Variants in PRKG2 observed in about 807,000 individuals in gnomAD.
The protein encoded by PRKG2 is cGMP-dependent protein kinase 2.
PRKG2 carries 33 observed loss-of-function variants against 97.2 expected under a neutral mutation model. The ratio of observed to expected loss-of-function variants is 0.34; its 90% CI spans 0.26 to 0.45. PRKG2 has a LOEUF of 0.45. PRKG2 is among the 20% of genes least tolerant of loss of function. The pLI, the probability that PRKG2 is intolerant of heterozygous loss-of-function variation, is 1.00. For synonymous variants in PRKG2, 330 were observed against 321.8 expected, an observed-to-expected ratio of 1.03 and a Z score of -0.27; for missense variants, 638 against 900.0, an observed-to-expected ratio of 0.71 and a Z score of 3.73.
rs192498416 is a variant in PRKG2, at chr4:81,091,181, C to T, written c.2193+1205G>A. 1.5e-3 allele frequency among the ~76,000 whole-genome samples: 234 copies of T among 152,182 alleles called. 3 individuals are homozygous for T. The highest frequency in any genetic ancestry group is 3.7e-3 in the Admixed American group (57 of 15,290). Reference sequence around the variant, plus strand: ...GAAAAGGAGTGATACAATATTTCTGCCCAAACTTTATAAGTGGCAGATAGG... The same window carrying T: ...GAAAAGGAGTGATACAATATTTCTGTCCAAACTTTATAAGTGGCAGATAGG... On this transcript the variant is annotated intron_variant, in intron 18 of 18. Coordinates refer to ENST00000264399, the MANE Select transcript of PRKG2 (RefSeq NM_006259.3).
intron 14 of PRKG2, among the ~76,000 whole-genome samples, 193 bp downstream of exon 14, chr4:81,134,962 A>C (rs1359602860): frequency 1.3e-5 from 2 of 152,178 alleles, no homozygotes; most frequent in Non-Finnish European, 2.9e-5. Context: ...AATATGGTTA[A>C]ACATTAAATC....
chr4:81,115,601 T>C (rs770645691), intron 14 of PRKG2, among the ~76,000 whole-genome samples: 3 of 152,208 alleles, frequency 2.0e-5, no homozygotes, highest in East Asian at 1.9e-4. Context: ...CAACTTCCAA[T>C]TGGCTATGTT....
intron 11 of PRKG2, 102 bp from the exon 12 acceptor site, chr4:81,140,771 G>T: frequency 1.0e-6 from 1 of 1,000,336 alleles, no homozygotes. Context: ...TAGTATGGAA[G>T]CCCTTAGCCA....
At chr4:81,153,531 C>A in intron 7 of PRKG2, 113 bp downstream of exon 7, 1 of 783,572 alleles carries the variant, frequency 1.3e-6, no homozygotes, top group Non-Finnish European at 2.0e-6. Flanking sequence ...GGTAGAAGCT[C>A]CTTTATCTGT....
At chr4:81,143,365 G>C (rs1296687241) in intron 10 of PRKG2, among the ~76,000 whole-genome samples, 1 of 152,166 alleles carries the variant, frequency 6.6e-6, no homozygotes, top group Admixed American at 6.5e-5. Context: ...CACTTCCTTT[G>C]CTGCATGTAC....
At chr4:81,115,176 C>G (rs1340037327) in intron 14 of PRKG2, among the ~76,000 whole-genome samples, 1 of 152,128 alleles carries the variant, frequency 6.6e-6, no homozygotes, top group Non-Finnish European at 1.5e-5. Flanking sequence ...TCCAACTTTA[C>G]TAGATATTGC....
chr4:81,111,700 G>C (rs1259187533), intron 14 of PRKG2, among the ~76,000 whole-genome samples: 1 of 152,032 alleles, frequency 6.6e-6, no homozygotes, highest in East Asian at 1.9e-4. Context: ...TCCGTGCACA[G>C]AATAGACAGA....
chr4:81,091,019 C>T (rs1277443955), intron 18 of PRKG2, among the ~76,000 whole-genome samples: 1 of 152,062 alleles, frequency 6.6e-6, no homozygotes, highest in Non-Finnish European at 1.5e-5. Flanking sequence ...AGAAGAAATA[C>T]TGGTGTTATC....
At chr4:81,149,953 C>A (rs1282458445) in intron 8 of PRKG2, among the ~76,000 whole-genome samples, 1 of 152,136 alleles carries the variant, frequency 6.6e-6, no homozygotes, top group Non-Finnish European at 1.5e-5. Flanking sequence ...CATTCTGAGA[C>A]CTTCTGACAT....
At position 81,121,891 on chromosome 4, in the gene PRKG2, T is replaced by C. The variant is rs116831751; in HGVS notation, c.1777-11280A>G. Reference sequence around the variant, plus strand: ...AGGGCTATCAGTATAGACAGGCAGATAGATGACAGGCAATAATATCAACGT... The same window carrying C: ...AGGGCTATCAGTATAGACAGGCAGACAGATGACAGGCAATAATATCAACGT... On this transcript the variant is annotated intron_variant, in intron 14 of 18. Coordinates refer to ENST00000264399, the MANE Select transcript of PRKG2 (RefSeq NM_006259.3). 9.4e-3 allele frequency among the ~76,000 whole-genome samples: 1,439 copies of C among 152,336 alleles called. 17 individuals are homozygous for C. The highest frequency in any genetic ancestry group is 0.032 in the African/African-American group (1,323 of 41,576).
At chr4:81,159,660 G>A (rs1297335265) in intron 6 of PRKG2, among the ~76,000 whole-genome samples, 20 of 151,948 alleles carry the variant, frequency 1.3e-4, no homozygotes, top group East Asian at 3.9e-4. Flanking sequence ...ACATGCACAC[G>A]TATGTTTATT....
intron 18 of PRKG2, among the ~76,000 whole-genome samples, chr4:81,091,384 G>A (rs777348817): frequency 7.9e-5 from 12 of 151,980 alleles, no homozygotes; most frequent in Admixed American, 7.9e-4. Context: ...CTGAGTTCAC[G>A]CCATTCTCCT....
chr4:81,180,280 A>C (rs1213894796), intron 2 of PRKG2, among the ~76,000 whole-genome samples: 31 of 152,166 alleles, frequency 2.0e-4, no homozygotes. Flanking sequence ...TTTAAGCCCA[A>C]ATATTTTTTA....
At chr4:81,147,449 C>A (rs1315415862) in intron 9 of PRKG2, among the ~76,000 whole-genome samples, 1 of 152,196 alleles carries the variant, frequency 6.6e-6, no homozygotes, top group Non-Finnish European at 1.5e-5. Flanking sequence ...ACACTTCACA[C>A]TTTTCTAGTC....
intron 14 of PRKG2, among the ~76,000 whole-genome samples, chr4:81,111,065 T>C (rs1743879450): frequency 6.6e-6 from 1 of 151,792 alleles, no homozygotes. Flanking sequence ...AATGTAAAAA[T>C]AAAAACAAAA....
chr4:81,172,947 T>C (rs1382689719), intron 3 of PRKG2, among the ~76,000 whole-genome samples: 2 of 152,128 alleles, frequency 1.3e-5, no homozygotes, highest in Non-Finnish European at 2.9e-5. Flanking sequence ...CTCCAAATCC[T>C]AGAGGTTAGA....
chr4:81,148,819 A>G, intron 9 of PRKG2, 65 bp downstream of exon 9: 1 of 1,370,032 alleles, frequency 7.3e-7, no homozygotes, highest in South Asian at 1.2e-5. Flanking sequence ...TCGGCCTTGA[A>G]GTAACAGAAG....
chr4:81,105,382 G>A (rs1301281300), intron 16 of PRKG2, among the ~76,000 whole-genome samples: 2 of 152,030 alleles, frequency 1.3e-5, no homozygotes, highest in Non-Finnish European at 2.9e-5. Context: ...ATAGAAACAA[G>A]AACATTGAAT....
At chr4:81,178,976 AT>A (rs938991711) in intron 2 of PRKG2, among the ~76,000 whole-genome samples, 1 of 151,734 alleles carries the variant, frequency 6.6e-6, no homozygotes, top group African/African-American at 2.4e-5. Context: ...AATACAAAAA[AT>A]AGCTGGTCGT....
Sources: gnomAD v4.1 joint callset for allele counts (sites outside exome capture counted in the v4.1 genomes callset) on GRCh38, gnomAD v4.1.1 for gene constraint, MANE v1.5 for transcripts, NCBI Gene and HGNC (gene_info 2026-07-23, HGNC 2026-07-21) for gene names.